Variants in SEMA4D observed in about 807,000 individuals in gnomAD.
SEMA4D encodes semaphorin 4D.
SEMA4D carries 22 observed loss-of-function variants against 74.8 expected under a neutral mutation model. That is an observed-to-expected ratio of 0.29 (90% CI 0.21 to 0.42). The LOEUF (loss-of-function observed/expected upper bound fraction) is 0.42, where lower values mean the gene tolerates loss of function less well. Among genes scored for constraint, SEMA4D ranks in the 10% least tolerant of loss-of-function variants. The pLI is 1.00. For synonymous variants in SEMA4D, 445 were observed against 463.7 expected, an observed-to-expected ratio of 0.96 and a Z score of 0.52; for missense variants, 937 against 1,118.4, an observed-to-expected ratio of 0.84 and a Z score of 2.31.
At chr9:89,438,682 T>G (rs1850992859) in intron 2 of SEMA4D, among the ~76,000 whole-genome samples, 1 of 152,230 alleles carries the variant, frequency 6.6e-6, no homozygotes, top group Admixed American at 6.5e-5. Context: ...TCTTTTTTTT[T>G]TAAGACGGAG....
chr9:89,442,940 CTG>C (rs1426951362), intron 2 of SEMA4D, among the ~76,000 whole-genome samples: 6 of 152,252 alleles, frequency 3.9e-5, no homozygotes, highest in Non-Finnish European at 8.8e-5. Context: ...ATCACACAGC[CTG>C]TGAGACTTTT....
In SEMA4D at chr9:89,391,250, T is replaced by G; in HGVS notation, c.774+14A>C. ...TGGCAGGGGCCAAGCGAAGCCAGAG[T>G]GCCTGGCACTCACCTTGCACACTCT... On this transcript the variant is annotated intron_variant, in intron 9 of 15. Coordinates refer to ENST00000422704, the MANE Select transcript of SEMA4D (RefSeq NM_001371194.2). 1 of 1,610,694 alleles carries G rather than the reference T, an allele frequency of 6.2e-7. No homozygotes were observed. Among genetic ancestry groups the G allele is most frequent in the Non-Finnish European group, 8.5e-7 (1 of 1,177,296 alleles).
intron 2 of SEMA4D, among the ~76,000 whole-genome samples, chr9:89,444,663 C>T (rs953818032): frequency 5.3e-5 from 8 of 151,902 alleles, no homozygotes; most frequent in African/African-American, 1.7e-4. Context: ...ATTCTAGACA[C>T]GTTCAAGAGT....
At chr9:89,385,866 G>GGGGGGGCCC in intron 13 of SEMA4D, 1 of 196,226 alleles carries the variant, frequency 5.1e-6, no homozygotes, top group Non-Finnish European at 9.0e-6. Context: ...CAGCGTGGAT[G>GGGGGGGCCC]CCCGCCCACC....
chr9:89,400,264 C>T (rs573972683), intron 4 of SEMA4D, among the ~76,000 whole-genome samples: 1 of 152,328 alleles, frequency 6.6e-6, no homozygotes, highest in Admixed American at 6.5e-5. Context: ...GCCTTAGCCC[C>T]TTGCCCTCCA....
At chr9:89,365,382 T>G (rs946240435) in intron 16 of SEMA4D, 3 of 152,388 alleles carry the variant, frequency 2.0e-5, no homozygotes, top group Admixed American at 2.0e-4. Flanking sequence ...TGGACTGGGG[T>G]GACACCCACC....
At position 89,492,091 on chromosome 9, in the gene SEMA4D, C is replaced by T. The variant is rs1280146333; in HGVS notation, c.-310+5828G>A. Among the ~76,000 whole-genome samples the T allele has an allele frequency of 6.6e-6, 1 of 152,186 alleles. No homozygotes were observed. The highest frequency in any genetic ancestry group is 1.5e-5 in the Non-Finnish European group (1 of 68,032). On this transcript the variant is annotated intron_variant, in intron 1 of 15. Transcript: ENST00000422704. The surrounding 1 kb of genome is among the most constrained non-coding windows in gnomAD (Gnocchi z 4.3). ...TCCACTTCCCCACTGCCCTTCACGG[C>T]AGCAAAATTCTTGAAAAAGCAATAG...
chr9:89,447,840 G>A (rs1853344737), intron 2 of SEMA4D, among the ~76,000 whole-genome samples: 1 of 151,898 alleles, frequency 6.6e-6, no homozygotes, highest in Non-Finnish European at 1.5e-5. Flanking sequence ...TCTGTCTCAG[G>A]GCCTTTGCTC....
intron 1 of SEMA4D, among the ~76,000 whole-genome samples, chr9:89,470,785 G>A (rs1859983713): frequency 6.6e-6 from 1 of 152,134 alleles, no homozygotes; most frequent in African/African-American, 2.4e-5. Context: ...GTGAGTGAAA[G>A]AAGTCAATCT....
chr9:89,362,539 C>T, intron 18 of SEMA4D: 3 of 1,583,674 alleles, frequency 1.9e-6, no homozygotes, highest in African/African-American at 1.3e-5. Context: ...AAGGCCTCAG[C>T]CCCCTGTTGT....
chr9:89,413,583 G>T (rs901822147), intron 2 of SEMA4D, among the ~76,000 whole-genome samples: 1 of 152,228 alleles, frequency 6.6e-6, no homozygotes, highest in Non-Finnish European at 1.5e-5. Context: ...GGTGTGTTGT[G>T]TACATGTGTA....
At chr9:89,429,430 A>T (rs1848782967) in intron 2 of SEMA4D, among the ~76,000 whole-genome samples, 1 of 152,200 alleles carries the variant, frequency 6.6e-6, no homozygotes, top group Non-Finnish European at 1.5e-5. Context: ...CTAAGAAAGC[A>T]AGGCTTGGAA....
chr9:89,433,543 G>T (rs1022474139), intron 2 of SEMA4D, among the ~76,000 whole-genome samples: 5 of 152,190 alleles, frequency 3.3e-5, no homozygotes, highest in Non-Finnish European at 5.9e-5. Context: ...TCCTAGAGAG[G>T]GACTGTGCAC....
Position 89,393,659 on chromosome 9 carries a change from C to A in SEMA4D, c.415-4G>T. ...GAAACTTAAAGGATGTTAAGTTCTA[C>A]AATTGAATAAAAAGAGAGCACATCA... is the stretch of plus-strand genomic sequence containing the variant. On this transcript the variant is annotated splice_region_variant and splice_polypyrimidine_tract_variant and intron_variant, in intron 6 of 15. Transcript: ENST00000422704. 6.2e-7 allele frequency: 1 copy of A among 1,601,458 alleles called. No individual in the cohort carries two copies. Among genetic ancestry groups the A allele is most frequent in the South Asian group, 1.1e-5 (1 of 90,834 alleles).
intron 4 of SEMA4D, among the ~76,000 whole-genome samples, chr9:89,401,592 G>T (rs116343110): frequency 4.1e-4 from 62 of 152,312 alleles, no homozygotes; most frequent in African/African-American, 1.5e-3. Flanking sequence ...CATGAGGTAG[G>T]TGTTTCACTG....
intron 9 of SEMA4D, among the ~76,000 whole-genome samples, chr9:89,389,337 TTCA>T (rs1479242480): frequency 6.6e-6 from 1 of 152,208 alleles, no homozygotes; most frequent in Non-Finnish European, 1.5e-5. Flanking sequence ...GTGCCCAGCA[TTCA>T]GTCCTGCAAC....
At position 89,418,099 on chromosome 9, in the gene SEMA4D, G is replaced by C. The variant is rs574213073; in HGVS notation, c.-243-12400C>G. The stretch of plus-strand genomic sequence containing the variant: ...GAAACTTTCCAGTCATTTCTAGAAA[G>C]ACGTCTTCAGAAATCTTTGCTGTGA... On this transcript the variant is annotated intron_variant, in intron 2 of 15. Coordinates refer to ENST00000422704, the MANE Select transcript of SEMA4D (RefSeq NM_001371194.2). 1.1e-5 allele frequency: 11 copies of C among 985,162 alleles called. No individual in the cohort carries two copies. The East Asian group carries it at 1.2e-3, about 112-fold the overall frequency. 61.0% of individuals were successfully genotyped at this position (985,162 alleles called of 1,614,324 possible). A position where few individuals can be genotyped will look rare whatever the true frequency, so the allele number is the denominator to read the frequency against.
chr9:89,450,347 T>A, intron 2 of SEMA4D: 2 of 946,782 alleles, frequency 2.1e-6, no homozygotes, highest in South Asian at 2.6e-5. Context: ...AAACTTGACA[T>A]GCCTTCTTCA....
intron 1 of SEMA4D, among the ~76,000 whole-genome samples, chr9:89,461,700 C>CTCTCTTTTTTTTTTTTTTTTTTTTTTT: frequency 9.6e-6 from 1 of 103,662 alleles, no homozygotes; most frequent in South Asian, 3.8e-4. Flanking sequence ...TCTTTTTTCT[C>CTCTCTTTTTTTTTTTTTTTTTTTTTTT]TTTTTTTTTT....
Sources: allele counts gnomAD v4.1 joint callset (sites outside exome capture counted in the v4.1 genomes callset), GRCh38; gene constraint gnomAD v4.1.1; non-coding constraint Gnocchi (gnomAD v3.1); transcripts MANE v1.5; gene names NCBI Gene and HGNC (gene_info 2026-07-23, HGNC 2026-07-21).